TBC1D19: variants seen among roughly 807,000 people sequenced by gnomAD.
TBC1D19 encodes the protein TBC1 domain family, member 19.
Under a neutral mutation model 89.0 loss-of-function variants are expected in TBC1D19, and 60 were observed. The observed-to-expected ratio is 0.67, with a 90% CI of 0.55 to 0.84. The LOEUF is 0.84. TBC1D19 is among the 40% of genes least tolerant of loss of function. TBC1D19 has a pLI of 0.00. For synonymous variants in TBC1D19, 189 were observed against 199.7 expected, an observed-to-expected ratio of 0.95 and a Z score of 0.45; for missense variants, 500 against 610.8, an observed-to-expected ratio of 0.82 and a Z score of 1.91.
At chr4:26,740,356 G>T (rs1292362779) in intron 17 of TBC1D19, among the ~76,000 whole-genome samples, 1 of 152,152 alleles carries the variant, frequency 6.6e-6, no homozygotes, top group East Asian at 1.9e-4. Flanking sequence ...AGTGTAGTTA[G>T]TGCTTGGCTC....
chr4:26,789,286 C>T, the TBC1D19 span, among the ~76,000 whole-genome samples: 4 of 152,236 alleles, frequency 2.6e-5, no homozygotes, highest in African/African-American at 9.6e-5. Context: ...AGCCCAGCCT[C>T]CCTTGCAGTT....
In TBC1D19 at chr4:26,597,566, T is replaced by C. The variant is rs576910686; in HGVS notation, c.99+13274T>C. 1.9e-4 allele frequency among the ~76,000 whole-genome samples: 28 copies of C among 146,792 alleles called. 1 individual carries two copies. Among genetic ancestry groups the C allele is most frequent in the African/African-American group, 6.2e-4 (25 of 40,164 alleles). Reference sequence around the variant, plus strand: ...TTTAAGTAGAGACGGGGTTTCACCATGTTGGCCAGGCAGTCTGGAACTCCT... The same window carrying C: ...TTTAAGTAGAGACGGGGTTTCACCACGTTGGCCAGGCAGTCTGGAACTCCT... On this transcript the variant is annotated intron_variant, in intron 1 of 20. Transcript: ENST00000264866.
chr4:26,632,073 T>G (rs982429140), intron 4 of TBC1D19, among the ~76,000 whole-genome samples: 8 of 152,144 alleles, frequency 5.3e-5, no homozygotes, highest in African/African-American at 1.9e-4. Context: ...TAACAAATAT[T>G]CAACATCTTG....
At chr4:26,821,351 C>G in the TBC1D19 span, among the ~76,000 whole-genome samples, 1 of 152,220 alleles carries the variant, frequency 6.6e-6, no homozygotes, top group Non-Finnish European at 1.5e-5. Context: ...TCATCATGCA[C>G]ACTTGAAGTA....
intron 4 of TBC1D19, among the ~76,000 whole-genome samples, chr4:26,628,515 T>C (rs1276856785): frequency 6.6e-6 from 1 of 152,038 alleles, no homozygotes; most frequent in Non-Finnish European, 1.5e-5. Context: ...CCAGGGCAAT[T>C]AGGCAGGAGA....
intron 13 of TBC1D19, among the ~76,000 whole-genome samples, chr4:26,715,723 T>G (rs192833616): frequency 6.6e-6 from 1 of 152,190 alleles, no homozygotes; most frequent in South Asian, 2.1e-4. Context: ...GTGACCTTGA[T>G]ATTTGAGCAA....
At chr4:26,666,228 C>A in intron 8 of TBC1D19, 105 bp from the exon 9 acceptor site, 3 of 865,012 alleles carry the variant, frequency 3.5e-6, no homozygotes, top group Non-Finnish European at 5.5e-6. Context: ...AGCCTCATTT[C>A]ACACTGTGAT....
rs111244858 is a variant in TBC1D19, at chr4:26,634,075, CAA to C, written c.295-3123_295-3122del. ...GCTAGATAGATAAAAGAGTATTTTG[CAA>C]AAAAAAAAAAAATGCAAGATTTTCA... On this transcript the variant is annotated intron_variant, in intron 4 of 20. Coordinates refer to ENST00000264866, the MANE Select transcript of TBC1D19 (RefSeq NM_018317.4). Among the ~76,000 whole-genome samples, 32 of 127,994 alleles carry C rather than the reference CAA, an allele frequency of 2.5e-4. No individual in the cohort carries two copies. In the South Asian group the frequency reaches 5.9e-3, roughly 24 times the overall value. 84.0% of individuals were successfully genotyped at this position (127,994 alleles called of 152,430 possible). A position where few individuals can be genotyped will look rare whatever the true frequency, so the allele number is the denominator to read the frequency against.
chr4:26,624,746 A>G (rs550399270), intron 4 of TBC1D19, among the ~76,000 whole-genome samples: 1 of 152,282 alleles, frequency 6.6e-6, no homozygotes, highest in South Asian at 2.1e-4. Flanking sequence ...AGAAGATTCT[A>G]TGCTGCAGAA....
chr4:26,615,698 T>C lies in TBC1D19; in HGVS notation c.218+1245T>C, dbSNP rs139483251. On this transcript the variant is annotated intron_variant, in intron 3 of 20. Coordinates refer to ENST00000264866, the MANE Select transcript of TBC1D19 (RefSeq NM_018317.4). ...GCTTTGCTCAAATCCATCTTCCCAGTTGGATTTGAATTCTTAAATAATGTT... is the reference window on the plus strand; with the variant it reads ...GCTTTGCTCAAATCCATCTTCCCAGCTGGATTTGAATTCTTAAATAATGTT... Among the ~76,000 whole-genome samples the C allele has an allele frequency of 1.2e-3, 184 of 152,290 alleles. No individual in the cohort carries two copies. The East Asian group carries it at 0.031, about 26-fold the overall frequency.
At chr4:26,855,386 A>C in the TBC1D19 span, among the ~76,000 whole-genome samples, 1 of 152,140 alleles carries the variant, frequency 6.6e-6, no homozygotes, top group Non-Finnish European at 1.5e-5. Flanking sequence ...TCATACCTTA[A>C]GGGTTTAAAT....
intron 4 of TBC1D19, among the ~76,000 whole-genome samples, chr4:26,623,709 TTCTTCCCATAGTCTTATAATTTCC>T (rs1360100774): frequency 2.6e-5 from 4 of 152,164 alleles, no homozygotes; most frequent in African/African-American, 9.7e-5. Context: ...TATATATTAT[TTCTTCCCATAGTCTTATAATTTCC>T]TCTTTCTTTT....
At chr4:26,628,614 T>C (rs1313916334) in intron 4 of TBC1D19, among the ~76,000 whole-genome samples, 2 of 152,134 alleles carry the variant, frequency 1.3e-5, no homozygotes, top group Non-Finnish European at 2.9e-5. Flanking sequence ...AAAACCCCAC[T>C]GTCTCAGCCC....
intron 11 of TBC1D19, among the ~76,000 whole-genome samples, chr4:26,683,096 G>T (rs1050539758): frequency 1.3e-5 from 2 of 152,050 alleles, no homozygotes; most frequent in Non-Finnish European, 2.9e-5. Flanking sequence ...TATCCTATAT[G>T]ATTGCTTTTA....
chr4:26,672,234 T>C (rs1410257713), intron 10 of TBC1D19, 47 bp downstream of exon 10: 17 of 1,283,522 alleles, frequency 1.3e-5, no homozygotes, highest in Non-Finnish European at 1.6e-5. Flanking sequence ...AGTGAGACAG[T>C]CCCAGCTAAA....
At chr4:26,647,967 C>CT (rs35016999) in intron 7 of TBC1D19, among the ~76,000 whole-genome samples, 1 of 152,000 alleles carries the variant, frequency 6.6e-6, no homozygotes, top group Non-Finnish European at 1.5e-5. Flanking sequence ...TATTGCTTGC[C>CT]TTTTTCCATT....
chr4:26,790,757 G>A, the TBC1D19 span, among the ~76,000 whole-genome samples: 1 of 152,092 alleles, frequency 6.6e-6, no homozygotes, highest in African/African-American at 2.4e-5. Context: ...TATGTTTCTT[G>A]AAGAAAAACA....
At chr4:26,798,726 C>G in the TBC1D19 span, among the ~76,000 whole-genome samples, 1 of 151,450 alleles carries the variant, frequency 6.6e-6, no homozygotes, top group Non-Finnish European at 1.5e-5. Flanking sequence ...TCTTTTGCAG[C>G]AACATGGATG....
the TBC1D19 span, among the ~76,000 whole-genome samples, chr4:26,843,505 C>T: frequency 2.0e-5 from 3 of 151,724 alleles, no homozygotes; most frequent in African/African-American, 4.8e-5. Flanking sequence ...AGACCATTAA[C>T]GGCATATACT....
Sources: gnomAD v4.1 joint callset for allele counts (sites outside exome capture counted in the v4.1 genomes callset) on GRCh38, gnomAD v4.1.1 for gene constraint, MANE v1.5 for transcripts, NCBI Gene and HGNC (gene_info 2026-07-23, HGNC 2026-07-21) for gene names.